ASXL2: variants seen among roughly 807,000 people sequenced by gnomAD.
The protein encoded by ASXL2 is putative Polycomb group protein ASXL2.
In ASXL2, 23 loss-of-function variants were observed where a neutral mutation model predicts 122.0. That is an observed-to-expected ratio of 0.19 (90% CI 0.14 to 0.27). The LOEUF (loss-of-function observed/expected upper bound fraction) is 0.27, where lower values mean the gene tolerates loss of function less well. Ranked by LOEUF, ASXL2 falls within the 10% of genes least tolerant of loss-of-function variation. The pLI is 1.00. For synonymous variants in ASXL2, 650 were observed against 637.0 expected, an observed-to-expected ratio of 1.02 and a Z score of -0.31; for missense variants, 1,518 against 1,713.8, an observed-to-expected ratio of 0.89 and a Z score of 2.02.
intron 1 of ASXL2, chr2:25,856,678 C>A (rs948421974): frequency 7.9e-7 from 1 of 1,273,504 alleles, no homozygotes; most frequent in African/African-American, 1.5e-5. Context: ...AACCCTCAGC[C>A]GTTAGAGTGA....
At chr2:25,768,936 CT>C in intron 6 of ASXL2, 68 bp from the exon 7 acceptor site, 2 of 1,503,022 alleles carry the variant, frequency 1.3e-6, no homozygotes, top group Admixed American at 2.0e-5. Flanking sequence ...TAAATTACTT[CT>C]TTTTTAAATG....
intron 5 of ASXL2, among the ~76,000 whole-genome samples, chr2:25,782,534 A>C (rs998211420): frequency 1.3e-5 from 2 of 152,150 alleles, no homozygotes; most frequent in African/African-American, 4.8e-5. Context: ...CAACAGAGGA[A>C]GACTCCATCT....
chr2:25,821,238 T>C (rs931387616), intron 3 of ASXL2, among the ~76,000 whole-genome samples: 1 of 151,836 alleles, frequency 6.6e-6, no homozygotes, highest in Admixed American at 6.6e-5. Context: ...GTTCCCATAG[T>C]CCCAACTACT....
At chr2:25,831,185 T>A (rs1046739501) in intron 3 of ASXL2, among the ~76,000 whole-genome samples, 1 of 151,782 alleles carries the variant, frequency 6.6e-6, no homozygotes, top group Admixed American at 6.6e-5. Flanking sequence ...GGCACACACC[T>A]GTAATCCCAG....
At chr2:25,760,051 T>C (rs190299883) in intron 8 of ASXL2, among the ~76,000 whole-genome samples, 158 of 151,350 alleles carry the variant, frequency 1.0e-3, no homozygotes, top group Admixed American at 2.2e-3. Context: ...TTCTCATGAC[T>C]TTTTTTTTCA....
At chr2:25,838,627 G>A (rs1299867085) in intron 2 of ASXL2, among the ~76,000 whole-genome samples, 1 of 152,092 alleles carries the variant, frequency 6.6e-6, no homozygotes, top group African/African-American at 2.4e-5. Flanking sequence ...AAGAAATATG[G>A]GCACAAGTCG....
intron 8 of ASXL2, among the ~76,000 whole-genome samples, chr2:25,761,672 CAAAAAAA>C (rs1184631489): frequency 2.1e-4 from 12 of 56,912 alleles, no homozygotes; most frequent in Admixed American, 8.9e-4. Flanking sequence ...GACTCCGTCT[CAAAAAAA>C]AAAAAAAAAA....
chr2:25,799,910 T>C (rs2088969356), intron 4 of ASXL2, among the ~76,000 whole-genome samples: 1 of 147,268 alleles, frequency 6.8e-6, no homozygotes, highest in African/African-American at 2.5e-5. Context: ...TTTGGGTGGC[T>C]AAGGCAGTTA....
chr2:25,841,696 A>C (rs1339937228), intron 2 of ASXL2, among the ~76,000 whole-genome samples: 1 of 151,862 alleles, frequency 6.6e-6, no homozygotes, highest in Non-Finnish European at 1.5e-5. Flanking sequence ...AAAATACAAA[A>C]ATTAGCTTTG....
At chr2:25,789,684 G>A (rs1354178877) in intron 5 of ASXL2, among the ~76,000 whole-genome samples, 1 of 152,250 alleles carries the variant, frequency 6.6e-6, no homozygotes, top group East Asian at 1.9e-4. Context: ...AATGTTCATT[G>A]GAGCATTCTG....
chr2:25,799,552 C>A lies in ASXL2; in HGVS notation c.253-17G>T. On this transcript the variant is annotated splice_polypyrimidine_tract_variant and intron_variant, in intron 4 of 12. Coordinates refer to ENST00000435504, the MANE Select transcript of ASXL2 (RefSeq NM_018263.6). ...CACATCTTTCTGAAAATGTAGGCAT[C>A]CAATTAGGATTAATCATTACCATTT... 4 of 1,605,766 alleles carry A rather than the reference C, an allele frequency of 2.5e-6. No homozygotes were observed. Among genetic ancestry groups the A allele is most frequent in the Non-Finnish European group, 3.4e-6 (4 of 1,176,554 alleles).
In ASXL2 at chr2:25,733,960, T is replaced by C. The variant is rs888004863; in HGVS notation, c.*8069A>G. On this transcript the variant is annotated 3_prime_UTR_variant, in exon 13 of 13. Transcript: ENST00000435504. ...GTGCTAAGGCCTATGCGCACAAAGA[T>C]TTTAAGTGAATAAGAATTACATACG... 1.3e-5 allele frequency: 2 copies of C among 152,142 alleles called. No individual in the cohort carries two copies. Among genetic ancestry groups the C allele is most frequent in the South Asian group, 4.1e-4 (2 of 4,832 alleles). The allele number at this position is 152,142 out of a possible 1,614,324, so 9.4% of individuals were successfully genotyped here.
chr2:25,749,616 T>C, intron 12 of ASXL2, 80 bp downstream of exon 12: 1 of 1,139,870 alleles, frequency 8.8e-7, no homozygotes, highest in Non-Finnish European at 1.2e-6. Flanking sequence ...CTACCACAAT[T>C]TACTTGAAAT....
At chr2:25,839,612 ATCTTTT>A (rs1305487706) in intron 2 of ASXL2, among the ~76,000 whole-genome samples, 8 of 99,244 alleles carry the variant, frequency 8.1e-5, no homozygotes, top group African/African-American at 2.9e-4. Context: ...GGGAAATTCT[ATCTTTT>A]TTTTTTTTTT....
At chr2:25,858,563 A>G (rs2089807536) in intron 1 of ASXL2, among the ~76,000 whole-genome samples, 1 of 151,754 alleles carries the variant, frequency 6.6e-6, no homozygotes, top group South Asian at 2.1e-4. Flanking sequence ...TCTCTACTAA[A>G]AATACAAAAA....
chr2:25,794,223 A>C (rs1219012274), intron 5 of ASXL2, among the ~76,000 whole-genome samples: 7 of 152,244 alleles, frequency 4.6e-5, no homozygotes, highest in African/African-American at 1.7e-4. Context: ...TAGAGGAAAC[A>C]GTGATTCCTT....
chr2:25,806,201 C>T (rs1385417415), intron 4 of ASXL2, 28 bp downstream of exon 4: 2 of 1,463,742 alleles, frequency 1.4e-6, no homozygotes, highest in Admixed American at 1.8e-5. Flanking sequence ...TTTTTTCTTT[C>T]TAAATGACTC....
chr2:25,776,766 T>G (rs979271849), intron 5 of ASXL2, among the ~76,000 whole-genome samples: 1 of 152,198 alleles, frequency 6.6e-6, no homozygotes, highest in Non-Finnish European at 1.5e-5. Flanking sequence ...CTCAAGACTA[T>G]ACATTTCCTC....
intron 1 of ASXL2, among the ~76,000 whole-genome samples, chr2:25,850,867 C>T (rs544755052): frequency 6.6e-6 from 1 of 152,284 alleles, no homozygotes; most frequent in Non-Finnish European, 1.5e-5. Flanking sequence ...CAGGATAAGG[C>T]TGCATGCGGT....
Sources: gnomAD v4.1 joint callset for allele counts (sites outside exome capture counted in the v4.1 genomes callset) on GRCh38, gnomAD v4.1.1 for gene constraint, MANE v1.5 for transcripts, NCBI Gene and HGNC (gene_info 2026-07-23, HGNC 2026-07-21) for gene names.